The following MICALL1 variants were observed in gnomAD, a reference collection of about 807,000 sequenced individuals.
MICALL1 encodes MICAL-like protein 1.
Under a neutral mutation model 83.7 loss-of-function variants are expected in MICALL1, and 61 were observed. The observed-to-expected ratio is 0.73, with a 90% CI of 0.59 to 0.90. The LOEUF (loss-of-function observed/expected upper bound fraction) is 0.90. Among genes scored for constraint, MICALL1 ranks in the 40% least tolerant of loss-of-function variants. The pLI is 0.00. For missense variants in MICALL1, 1,066 were observed against 1,152.0 expected, an observed-to-expected ratio of 0.93 and a Z score of 1.08; for synonymous variants, 481 against 473.6, an observed-to-expected ratio of 1.02 and a Z score of -0.20.
intron 9 of MICALL1, among the ~76,000 whole-genome samples, chr22:37,928,532 G>T (rs996257840): frequency 2.6e-5 from 4 of 152,126 alleles, no homozygotes; most frequent in African/African-American, 4.8e-5. Flanking sequence ...ATCTTTACTG[G>T]CCTCTGACTT....
intron 4 of MICALL1, among the ~76,000 whole-genome samples, chr22:37,918,720 C>T (rs565058798): frequency 1.4e-4 from 21 of 152,348 alleles, no homozygotes; most frequent in African/African-American, 4.8e-4. Flanking sequence ...GAAGGGGCTG[C>T]ACAGCCAGGA....
Position 37,931,900 on chromosome 22 carries a change from C to T in MICALL1, c.1983C>T (p.Ala661=). Residue 661 remains alanine, a synonymous_variant, in exon 10 of 16, where the codon GCC becomes GCT. Coordinates refer to ENST00000215957, the MANE Select transcript of MICALL1 (RefSeq NM_033386.4). ...GATCCAAGCCAGTGAGGCCACCTGC[C>T]CCTGGACACGGCTTTCCACTCATCA... ...TKGSKPVRPP[A]PGHGFPLIKR... is the part of the protein sequence containing the mutation. The T allele has an allele frequency of 1.9e-6, 3 of 1,614,144 alleles. No homozygotes were observed. The highest frequency in any genetic ancestry group is 2.5e-6 in the Non-Finnish European group (3 of 1,180,008).
In MICALL1 at chr22:37,922,351, C is replaced by G. The variant is rs1404221587; in HGVS notation, c.949C>G (p.Pro317Ala). 1 of 1,530,028 alleles carries G rather than the reference C, an allele frequency of 6.5e-7. No homozygotes were observed. The highest frequency in any genetic ancestry group is 8.8e-7 in the Non-Finnish European group (1 of 1,140,384). The allele number at this position is 1,530,028 out of a possible 1,614,324, so 94.8% of individuals were successfully genotyped here. The change falls in exon 6 of 16, where the codon CCC becomes GCC. Residue 317 changes from proline (P) to alanine (A), a missense_variant. Physicochemically the swap from Pro to Ala is conservative, Grantham distance 27. Coordinates refer to ENST00000215957, the MANE Select transcript of MICALL1 (RefSeq NM_033386.4). ...KASESTTPAPPTPRPRSSLQQ... is the reference protein window; with the variant it reads ...KASESTTPAPATPRPRSSLQQ... ...CTCTGAGAGCACCACCCCAGCACCC[C>G]CCACGCCCCGGCCCCGCTCCAGTCT...
chr22:37,932,437 G>A lies in MICALL1; in HGVS notation c.2017-116G>A. On this transcript the variant is annotated intron_variant, in intron 10 of 15. Transcript: ENST00000215957. The surrounding 1 kb of genome is among the most constrained non-coding windows in gnomAD (Gnocchi z 4.4). ...GACCCTGCCTTCTTACCATGCTGGG[G>A]TGGGGGACAGGGCCCGGGCCCTGGA... is the stretch of plus-strand genomic sequence containing the variant. 1 of 1,497,100 alleles carries A rather than the reference G, an allele frequency of 6.7e-7. No homozygotes were observed. The highest frequency in any genetic ancestry group is 2.3e-5 in the East Asian group (1 of 43,962). 92.7% of individuals were successfully genotyped at this position (1,497,100 alleles called of 1,614,324 possible).
intron 9 of MICALL1, among the ~76,000 whole-genome samples, chr22:37,931,263 T>C (rs1929769629): frequency 1.3e-5 from 2 of 151,880 alleles, no homozygotes; most frequent in South Asian, 4.1e-4. Context: ...TAAACAAGAA[T>C]GTATAAAAAG....
chr22:37,923,215 G>A (rs1435380260), intron 6 of MICALL1, among the ~76,000 whole-genome samples: 34 of 151,006 alleles, frequency 2.3e-4, no homozygotes, highest in Non-Finnish European at 2.9e-5. Flanking sequence ...ACAGGCATGA[G>A]CCACTGTGCC....
chr22:37,906,791 A>C lies in MICALL1; in HGVS notation c.146+223A>C. 4.7e-6 allele frequency: 1 copy of C among 213,472 alleles called. No individual in the cohort carries two copies. Among genetic ancestry groups the C allele is most frequent in the Non-Finnish European group, 9.0e-6 (1 of 111,186 alleles). 13.2% of individuals were successfully genotyped at this position (213,472 alleles called of 1,614,324 possible). A position where few individuals can be genotyped will look rare whatever the true frequency, so the allele number is the denominator to read the frequency against. ...CCTGACCCCGCCCGTGGGATCCCGAACTCTCCCCCGAGGCTGGTCCCTCCG... is the reference window on the plus strand; with the variant it reads ...CCTGACCCCGCCCGTGGGATCCCGACCTCTCCCCCGAGGCTGGTCCCTCCG... On this transcript the variant is annotated intron_variant, in intron 1 of 15. Transcript: ENST00000215957. This position sits in a 1 kb window ranked among gnomAD's most constrained non-coding sequence, Gnocchi z 4.4.
chr22:37,916,166 G>A (rs955856983), intron 3 of MICALL1, among the ~76,000 whole-genome samples: 3 of 152,168 alleles, frequency 2.0e-5, no homozygotes, highest in Admixed American at 2.0e-4. Context: ...TGGTGGGCAG[G>A]GGCAGCCCTG....
Position 37,906,319 on chromosome 22 carries a change from T to G in MICALL1, c.-104T>G, listed in dbSNP as rs1927932112. 1.1e-6 allele frequency: 1 copy of G among 873,448 alleles called. No individual in the cohort carries two copies. Among genetic ancestry groups the G allele is most frequent in the Non-Finnish European group, 1.4e-6 (1 of 728,576 alleles). 54.1% of individuals were successfully genotyped at this position (873,448 alleles called of 1,614,324 possible). A position where few individuals can be genotyped will look rare whatever the true frequency, so the allele number is the denominator to read the frequency against. On this transcript the variant is annotated 5_prime_UTR_variant, in exon 1 of 16. Coordinates refer to ENST00000215957, the MANE Select transcript of MICALL1 (RefSeq NM_033386.4). The surrounding 1 kb of genome is among the most constrained non-coding windows in gnomAD (Gnocchi z 4.4). ...CTCGCCTGCCGGTCGGCGCCCGAGC[T>G]CGGAGCCGCAGCCGCAGCCGGAAAC...
chr22:37,908,716 C>T (rs2145871049), intron 1 of MICALL1, among the ~76,000 whole-genome samples: 1 of 152,352 alleles, frequency 6.6e-6, no homozygotes, highest in African/African-American at 2.4e-5. Flanking sequence ...GGCAACCCTA[C>T]ACGCTCTCCC....
Position 37,925,633 on chromosome 22 carries a change from G to A in MICALL1, c.1083-28G>A, listed in dbSNP as rs778108882. On this transcript the variant is annotated intron_variant, in intron 7 of 15. Transcript: ENST00000215957. Reference sequence around the variant, plus strand: ...GAAGCTGACCCTTGCCTCTGCTAATGGTTTCTGCTGCTTCCCCCCTCCTCC... The same window carrying A: ...GAAGCTGACCCTTGCCTCTGCTAATAGTTTCTGCTGCTTCCCCCCTCCTCC... 3 of 1,575,546 alleles carry A rather than the reference G, an allele frequency of 1.9e-6. No homozygotes were observed. In the South Asian group the frequency reaches 3.4e-5, roughly 18 times the overall value.
At chr22:37,937,827 C>G in intron 15 of MICALL1, 35 bp downstream of exon 15, 1 of 1,612,208 alleles carries the variant, frequency 6.2e-7, no homozygotes, top group Admixed American at 1.7e-5. Context: ...CTGGTGAGCA[C>G]TTGAACTTCG....
rs1300501979 is a variant in MICALL1 at position 37,908,856 on chromosome 22, T to C, written c.146+2288T>C. ...ATGGCAGGAGCCAGGTGAGGGCTGC[T>C]GGGTGGACGTTCTGGCATGGGACCC... is the stretch of plus-strand genomic sequence containing the variant. On this transcript the variant is annotated intron_variant, in intron 1 of 15. Coordinates refer to ENST00000215957, the MANE Select transcript of MICALL1 (RefSeq NM_033386.4). Among the ~76,000 whole-genome samples, 3 of 152,102 alleles carry C rather than the reference T, an allele frequency of 2.0e-5. No homozygotes were observed. In the East Asian group the frequency reaches 5.8e-4, roughly 29 times the overall value.
intron 13 of MICALL1, among the ~76,000 whole-genome samples, chr22:37,934,286 C>T (rs962822062): frequency 3.9e-5 from 6 of 152,212 alleles, no homozygotes; most frequent in African/African-American, 1.4e-4. Flanking sequence ...TTGGGGGCAT[C>T]AGGCTGCCAG....
Position 37,932,628 on chromosome 22 carries a change from C to T in MICALL1, c.2092C>T (p.Leu698=). 1 of 1,614,146 alleles carries T rather than the reference C, an allele frequency of 6.2e-7. No homozygotes were observed. Among genetic ancestry groups the T allele is most frequent in the Non-Finnish European group, 8.5e-7 (1 of 1,180,020 alleles). Reference sequence around the variant, plus strand: ...TACCATTGAGCGCCGGCTGGATGCCCTGGAGCACCGTGGGGTGCTGCTGGA... The same window carrying T: ...TACCATTGAGCGCCGGCTGGATGCCTTGGAGCACCGTGGGGTGCTGCTGGA... ...MDTIERRLDA[L]EHRGVLLEEK... The change falls in exon 11 of 16, where the codon CTG becomes TTG. Residue 698 remains leucine (L), a synonymous_variant. Transcript: ENST00000215957. This position sits in a 1 kb window ranked among gnomAD's most constrained non-coding sequence, Gnocchi z 4.4.
chr22:37,912,915 C>T (rs193022774), intron 3 of MICALL1, among the ~76,000 whole-genome samples: 49 of 151,492 alleles, frequency 3.2e-4, no homozygotes, highest in African/African-American at 1.2e-3. Flanking sequence ...CCCGCCTTGG[C>T]CTCCCCAAGT....
At chr22:37,922,520 C>A in intron 6 of MICALL1, 94 bp downstream of exon 6, 1 of 892,570 alleles carries the variant, frequency 1.1e-6, no homozygotes, top group Non-Finnish European at 1.6e-6. Context: ...GGGCCCCTCT[C>A]CATCTGTGCC....
In MICALL1 at chr22:37,922,280, T is replaced by C. The variant is rs1443291718; in HGVS notation, c.878T>C (p.Leu293Pro). The C allele has an allele frequency of 5.1e-6, 8 of 1,569,806 alleles. No homozygotes were observed. The South Asian group carries it at 6.9e-5, about 14-fold the overall frequency. ...CGGGTTCCTGGCAAACTACAGGAGC[T>C]GGCCAGCCCCCCTGCGGGCCGCCCC... The part of the protein sequence containing the change: ...KPRVPGKLQE[L>P]ASPPAGRPTP... The change falls in exon 6 of 16, where the codon CTG becomes CCG. Residue 293 changes from leucine (L) to proline (P), a missense_variant. Transcript: ENST00000215957.
At chr22:37,940,080 G>A (rs1930351305) in intron 15 of MICALL1, among the ~76,000 whole-genome samples, 1 of 150,702 alleles carries the variant, frequency 6.6e-6, no homozygotes, top group Non-Finnish European at 1.5e-5. Context: ...CAGAGACTCT[G>A]TCTCAAAAAA....
Sources: gnomAD v4.1 joint callset for allele counts (sites outside exome capture counted in the v4.1 genomes callset) on GRCh38, gnomAD v4.1.1 for gene constraint, Gnocchi (gnomAD v3.1) non-coding constraint, MANE v1.5 for transcripts, NCBI Gene and HGNC (gene_info 2026-07-23, HGNC 2026-07-21) for gene names.